The following BRCA2 variants were observed in gnomAD, a reference collection of about 807,000 sequenced individuals.
BRCA2 encodes the protein breast cancer type 2 susceptibility protein.
In BRCA2, 203 loss-of-function variants were observed where a neutral mutation model predicts 276.7. The ratio of observed to expected loss-of-function variants is 0.73; its 90% CI spans 0.65 to 0.82. BRCA2 has a LOEUF of 0.82. Ranked by LOEUF, BRCA2 falls within the 40% of genes least tolerant of loss-of-function variation. BRCA2 has a pLI of 0.00. For missense variants in BRCA2, 3,920 were observed against 3,915.0 expected (o/e 1.00, Z -0.03); for synonymous variants, 1,289 against 1,338.4 (o/e 0.96, Z 0.81).
At chr13:32,318,439 ATT>A (rs201193580) in intron 2 of BRCA2, among the ~76,000 whole-genome samples, 2 of 143,762 alleles carry the variant, frequency 1.4e-5, no homozygotes, top group South Asian at 2.2e-4. Flanking sequence ...TGTGGAATGT[ATT>A]TTTTTTTTTT....
chr13:32,382,063 A>C (rs2072928290), intron 24 of BRCA2, among the ~76,000 whole-genome samples: 1 of 152,208 alleles, frequency 6.6e-6, no homozygotes, highest in Non-Finnish European at 1.5e-5. Context: ...TGATGGTTAC[A>C]TAGGAATCTG....
At chr13:32,356,636 G>T (rs2137563899) in intron 15 of BRCA2, 27 bp downstream of exon 15, 1 of 1,609,892 alleles carries the variant, frequency 6.2e-7, no homozygotes. Context: ...AATACTGATG[G>T]CTTTTATGAC....
rs1566222053 is a variant in BRCA2 at position 32,332,270 on chromosome 13, A to G, written c.794-2A>G. ...ATGTGCTTCTGTTTTATACTTTAAC[A>G]GGATTTGGAAAAACATCAGGGAATT... On this transcript the variant is annotated splice_acceptor_variant, in intron 9 of 26. Coordinates refer to ENST00000380152, the MANE Select transcript of BRCA2 (RefSeq NM_000059.4). LOFTEE classifies it high-confidence loss of function. The G allele has an allele frequency of 6.3e-7, 1 of 1,597,278 alleles. No homozygotes were observed. Among genetic ancestry groups the G allele is most frequent in the Non-Finnish European group, 8.6e-7 (1 of 1,169,438 alleles).
rs527887703 is a variant in BRCA2, at chr13:32,371,285, A to G, written c.8632+185A>G. 3.3e-5 allele frequency among the ~76,000 whole-genome samples: 5 copies of G among 152,278 alleles called. No individual in the cohort carries two copies. In the East Asian group the frequency reaches 9.6e-4, roughly 29 times the overall value. Reference sequence around the variant, plus strand: ...AAGAATAGCAACAAGGGACAGAAATATCAGGTCTAAGCCATTTGTAATATT... The same window carrying G: ...AAGAATAGCAACAAGGGACAGAAATGTCAGGTCTAAGCCATTTGTAATATT... On this transcript the variant is annotated intron_variant, in intron 20 of 26. Transcript: ENST00000380152.
intron 20 of BRCA2, among the ~76,000 whole-genome samples, 184 bp from the exon 21 acceptor site, chr13:32,376,486 A>C (rs1173649307): frequency 6.6e-6 from 1 of 150,612 alleles, no homozygotes. Flanking sequence ...ACACCACTGC[A>C]CTCCCAGATT....
At chr13:32,323,077 T>C (rs1043853209) in intron 3 of BRCA2, among the ~76,000 whole-genome samples, 1 of 152,136 alleles carries the variant, frequency 6.6e-6, no homozygotes, top group Non-Finnish European at 1.5e-5. Flanking sequence ...CTCACCAGCA[T>C]TTGGTGTGTC....
At position 32,338,056 on chromosome 13, in the gene BRCA2, T is replaced by G; in HGVS notation, c.3701T>G (p.Leu1234Arg). Residue 1234 changes from leucine (L) to arginine (R), a missense_variant, in exon 11 of 27, where the codon CTG (leucine) becomes CGG (arginine). By Grantham distance (102) the Leu-to-Arg change is moderately radical. Coordinates refer to ENST00000380152, the MANE Select transcript of BRCA2 (RefSeq NM_000059.4). ...AAACTGAATGTTTCTACTGAAGCTC[T>G]GCAAAAAGCTGTGAAACTGTTTAGT... ...GTKLNVSTEA[L>R]QKAVKLFSDI... is the part of the protein sequence containing the mutation. 2 of 1,611,160 alleles carry G rather than the reference T, an allele frequency of 1.2e-6. No individual in the cohort carries two copies. The highest frequency in any genetic ancestry group is 2.2e-5 in the South Asian group (2 of 90,440).
chr13:32,324,972 C>G (rs2072332713), intron 3 of BRCA2, 104 bp from the exon 4 acceptor site: 1 of 789,456 alleles, frequency 1.3e-6, no homozygotes, highest in South Asian at 1.5e-5. Flanking sequence ...TATACATTCT[C>G]ATTCCCAGTA....
intron 10 of BRCA2, among the ~76,000 whole-genome samples, chr13:32,333,593 A>G (rs2072427266): frequency 6.6e-6 from 1 of 152,142 alleles, no homozygotes; most frequent in Non-Finnish European, 1.5e-5. Context: ...TAGTTTGTGT[A>G]TATCCATCAC....
At chr13:32,372,754 C>T (rs914777437) in intron 20 of BRCA2, among the ~76,000 whole-genome samples, 1 of 152,148 alleles carries the variant, frequency 6.6e-6, no homozygotes, top group African/African-American at 2.4e-5. Context: ...CTAACAGTCT[C>T]CGAAAGTCTT....
rs770531115 is a variant in BRCA2 at position 32,338,534 on chromosome 13, G to A, written c.4179G>A (p.Ala1393=). Residue 1393 remains alanine, a synonymous_variant, in exon 11 of 27, where the codon GCG becomes GCA. Coordinates refer to ENST00000380152, the MANE Select transcript of BRCA2 (RefSeq NM_000059.4). ...CAGATTTAACTTTTTTGGAAGTTGC[G>A]AAAGCTCAAGAAGCATGTCATGGTA... ...DLSDLTFLEV[A]KAQEACHGNT... is the part of the protein sequence containing the mutation. 24 of 1,603,316 alleles carry A rather than the reference G, an allele frequency of 1.5e-5. No homozygotes were observed. The highest frequency in any genetic ancestry group is 1.7e-4 in the Middle Eastern group (1 of 6,026).
Position 32,338,305 on chromosome 13 carries a change from C to T in BRCA2, c.3950C>T (p.Thr1317Ile), listed in dbSNP as rs1593901002. Residue 1317 changes from threonine (T) to isoleucine (I), a missense_variant, in exon 11 of 27, where the codon ACT (threonine) becomes ATT (isoleucine). Physicochemically the swap from Thr to Ile is moderately conservative, Grantham distance 89. This residue lies in a region of BRCA2 where 3,263 missense variants were observed against 3,156.9 expected (regional missense o/e 1.03). Coordinates refer to ENST00000380152, the MANE Select transcript of BRCA2 (RefSeq NM_000059.4). ...ATTACTGAAAATTACAAGAGAAATA[C>T]TGAAAATGAAGATAACAAATATACT... ...EEITENYKRN[T>I]ENEDNKYTAA... is the part of the protein sequence containing the mutation. 1 of 1,582,308 alleles carries T rather than the reference C, an allele frequency of 6.3e-7. No individual in the cohort carries two copies. Among genetic ancestry groups the T allele is most frequent in the Non-Finnish European group, 8.6e-7 (1 of 1,166,802 alleles).
At position 32,398,814 on chromosome 13, in the gene BRCA2, C is replaced by T. The variant is rs961218566; in HGVS notation, c.*44C>T. The T allele has an allele frequency of 6.2e-7, 1 of 1,601,544 alleles. No homozygotes were observed. The stretch of plus-strand genomic sequence containing the variant: ...ATAAATTATTGACGCTTAACCTTTC[C>T]AGTTTATAAGACTGGAATATAATTT... On this transcript the variant is annotated 3_prime_UTR_variant, in exon 27 of 27. Transcript: ENST00000380152.
In BRCA2 at chr13:32,338,434, A is replaced by T. The variant is rs730881529; in HGVS notation, c.4079A>T (p.Asp1360Val). 1.2e-6 allele frequency: 2 copies of T among 1,610,976 alleles called. No individual in the cohort carries two copies. The highest frequency in any genetic ancestry group is 1.7e-6 in the Non-Finnish European group (2 of 1,179,096). Residue 1360 changes from aspartate (D) to valine (V), a missense_variant, in exon 11 of 27, where the codon GAT becomes GTT. By Grantham distance (152) the Asp-to-Val change is radical (BLOSUM62 -3). Transcript: ENST00000380152. ...HKDETDLLFT[D>V]QHNICLKLSG... ...GATGAAACGGACTTGCTATTTACTG[A>T]TCAGCACAACATATGTCTTAAATTA...
chr13:32,377,976 C>G (rs2072885394), intron 21 of BRCA2, among the ~76,000 whole-genome samples: 1 of 152,154 alleles, frequency 6.6e-6, no homozygotes. Context: ...CGAAATGTTA[C>G]AATTTGGGTT....
intron 26 of BRCA2, 147 bp downstream of exon 26, chr13:32,397,191 T>C: frequency 2.2e-6 from 2 of 897,296 alleles, no homozygotes; most frequent in Middle Eastern, 3.0e-4. Flanking sequence ...AGTATAGTTA[T>C]TTAGAAATTT....
At position 32,332,253 on chromosome 13, in the gene BRCA2, C is replaced by T. The variant is rs1566222030; in HGVS notation, c.794-19C>T. Reference sequence around the variant, plus strand: ...TGGCTTATAAAATATTAATGTGCTTCTGTTTTATACTTTAACAGGATTTGG... The same window carrying T: ...TGGCTTATAAAATATTAATGTGCTTTTGTTTTATACTTTAACAGGATTTGG... On this transcript the variant is annotated intron_variant, in intron 9 of 26. Transcript: ENST00000380152. 1 of 1,570,010 alleles carries T rather than the reference C, an allele frequency of 6.4e-7. No homozygotes were observed. The highest frequency in any genetic ancestry group is 8.7e-7 in the Non-Finnish European group (1 of 1,148,090).
Position 32,352,925 on chromosome 13 carries a change from A to AAT in BRCA2, c.7008-1934_7008-1933dup, listed in dbSNP as rs11571701. Among the ~76,000 whole-genome samples the AAT allele has an allele frequency of 6.3e-3, 961 of 152,302 alleles. 11 individuals are homozygous for AAT. The highest frequency in any genetic ancestry group is 0.022 in the African/African-American group (902 of 41,572). On this transcript the variant is annotated intron_variant, in intron 13 of 26. Coordinates refer to ENST00000380152, the MANE Select transcript of BRCA2 (RefSeq NM_000059.4). Reference sequence around the variant, plus strand: ...GGCAAATTATTTCCACTTAGATTTAAATAGATATCTTGAGCATAACCTACA... The same window carrying AAT: ...GGCAAATTATTTCCACTTAGATTTAAATATAGATATCTTGAGCATAACCTACA...
intron 18 of BRCA2, among the ~76,000 whole-genome samples, chr13:32,365,238 A>G (rs2072773082): frequency 6.7e-6 from 1 of 149,376 alleles, no homozygotes; most frequent in South Asian, 2.1e-4. Context: ...CTGGGCTCAA[A>G]CGGTCCTCAC....
Sources: gnomAD v4.1 joint callset for allele counts (sites outside exome capture counted in the v4.1 genomes callset) on GRCh38, gnomAD v4.1.1 for gene constraint, gnomAD v4.1.1 regional missense constraint, MANE v1.5 for transcripts, NCBI Gene and HGNC (gene_info 2026-07-23, HGNC 2026-07-21) for gene names.